PCDH15: variants seen among roughly 807,000 people sequenced by gnomAD.
PCDH15 encodes protocadherin-15.
In PCDH15, 129 loss-of-function variants were observed where a neutral mutation model predicts 178.5. The ratio of observed to expected loss-of-function variants is 0.72; its 90% CI spans 0.63 to 0.84. PCDH15 has a LOEUF of 0.84. Ranked by LOEUF, PCDH15 falls within the 40% of genes least tolerant of loss-of-function variation. The pLI, the probability that PCDH15 is intolerant of heterozygous loss-of-function variation, is 0.00. For missense variants in PCDH15, 2,230 were observed against 2,099.9 expected (o/e 1.06, Z -1.21); for synonymous variants, 800 against 732.0 (o/e 1.09, Z -1.50).
At chr10:54,834,272 C>G (rs953688588) in intron 3 of PCDH15, among the ~76,000 whole-genome samples, 18 of 151,758 alleles carry the variant, frequency 1.2e-4, no homozygotes, top group African/African-American at 3.6e-4. Context: ...TCACTGCAAC[C>G]TCCGCCTCCC....
At chr10:55,178,690 A>G (rs757718764) in intron 1 of PCDH15, among the ~76,000 whole-genome samples, 8 of 152,146 alleles carry the variant, frequency 5.3e-5, no homozygotes, top group Non-Finnish European at 1.0e-4. Context: ...CAAAGCACCA[A>G]TGTAAAGAAA....
intron 2 of PCDH15, among the ~76,000 whole-genome samples, chr10:55,484,833 G>A (rs1465991943): frequency 6.6e-6 from 1 of 151,610 alleles, no homozygotes; most frequent in Non-Finnish European, 1.5e-5. Context: ...GATGGCCACA[G>A]GCAAAAGAAT....
At chr10:53,970,193 T>C (rs1404976869) in intron 21 of PCDH15, among the ~76,000 whole-genome samples, 1 of 150,206 alleles carries the variant, frequency 6.7e-6, no homozygotes, top group Non-Finnish European at 1.5e-5. Flanking sequence ...AAAAAAAAAA[T>C]AGCAGGGGTT....
chr10:54,758,746 G>A (rs1274038526), intron 1 of PCDH15, among the ~76,000 whole-genome samples: 1 of 152,092 alleles, frequency 6.6e-6, no homozygotes, highest in East Asian at 1.9e-4. Flanking sequence ...TTGAACTTTT[G>A]GGTTGTGTTT....
intron 29 of PCDH15, among the ~76,000 whole-genome samples, chr10:53,837,327 A>G (rs941085592): frequency 4.6e-5 from 7 of 152,190 alleles, no homozygotes; most frequent in African/African-American, 1.7e-4. Context: ...GGATAAGAGT[A>G]ATATATAATT....
intron 2 of PCDH15, among the ~76,000 whole-genome samples, chr10:54,571,291 C>T (rs2089796371): frequency 6.8e-6 from 1 of 146,226 alleles, no homozygotes; most frequent in Non-Finnish European, 1.5e-5. Context: ...GTCCCACCCT[C>T]TTGCTCTGAG....
At chr10:55,325,999 C>CA (rs1347593952) in intron 2 of PCDH15, among the ~76,000 whole-genome samples, 1 of 152,058 alleles carries the variant, frequency 6.6e-6, no homozygotes, top group Non-Finnish European at 1.5e-5. Flanking sequence ...TGCTCAGCGT[C>CA]ACTAATCATT....
intron 3 of PCDH15, among the ~76,000 whole-genome samples, chr10:54,421,816 G>GTGTATATATATATATATATA (rs1297485134): frequency 9.3e-6 from 1 of 107,990 alleles, no homozygotes; most frequent in African/African-American, 4.2e-5. Context: ...TGTAGTGTGT[G>GTGTATATATATATATATATA]TATATATATA....
intron 1 of PCDH15, among the ~76,000 whole-genome samples, chr10:55,248,276 A>G (rs1383308213): frequency 1.3e-5 from 2 of 151,970 alleles, no homozygotes; most frequent in African/African-American, 2.4e-5. Context: ...TATCATTTTG[A>G]AAAAAACACT....
At chr10:54,239,432 T>TATATATAGAGAGAGAGAGAGAG (rs1554853331) in intron 8 of PCDH15, among the ~76,000 whole-genome samples, 1 of 150,560 alleles carries the variant, frequency 6.6e-6, no homozygotes, top group Non-Finnish European at 1.5e-5. Context: ...TATATATATA[T>TATATATAGAGAGAGAGAGAGAG]AGAGTAAGAA....
At chr10:54,099,889 C>A (rs930616419) in intron 15 of PCDH15, among the ~76,000 whole-genome samples, 28 of 152,130 alleles carry the variant, frequency 1.8e-4, no homozygotes, top group African/African-American at 6.5e-4. Flanking sequence ...AGATTAAGAA[C>A]CTAGTCTTAA....
intron 1 of PCDH15, among the ~76,000 whole-genome samples, chr10:55,239,129 T>G (rs1315968826): frequency 3.9e-5 from 6 of 152,176 alleles, no homozygotes; most frequent in African/African-American, 1.4e-4. Flanking sequence ...TTTCGGCTTG[T>G]GCTTGGCTTA....
intron 1 of PCDH15, among the ~76,000 whole-genome samples, chr10:54,788,908 T>A (rs866397052): frequency 6.6e-6 from 1 of 151,874 alleles, no homozygotes; most frequent in African/African-American, 2.4e-5. Context: ...AATTCAAACT[T>A]ATGAATCTAA....
chr10:54,702,996 C>A (rs2095326726), intron 1 of PCDH15, among the ~76,000 whole-genome samples: 1 of 151,930 alleles, frequency 6.6e-6, no homozygotes, highest in Non-Finnish European at 1.5e-5. Flanking sequence ...ACTAGCAAAC[C>A]AAATCCAGCA....
intron 2 of PCDH15, among the ~76,000 whole-genome samples, chr10:55,069,631 T>G (rs975058626): frequency 7.2e-6 from 1 of 139,450 alleles, no homozygotes; most frequent in Non-Finnish European, 1.6e-5. Context: ...GGCTGCATAG[T>G]ATTCCATGGT....
chr10:54,814,641 T>C (rs1952920009), intron 3 of PCDH15, among the ~76,000 whole-genome samples: 1 of 152,272 alleles, frequency 6.6e-6, no homozygotes, highest in South Asian at 2.1e-4. Flanking sequence ...GGTCTTTCTG[T>C]TGTTCCATTT....
In PCDH15 at chr10:55,417,297, A is replaced by G. The variant is rs189299546; in HGVS notation, c.-156+210328T>C. On this transcript the variant is annotated intron_variant, in intron 2 of 5. Transcript: ENST00000613346. Reference sequence around the variant, plus strand: ...TCATAGTGCAGCTATAAATAAAACTAAAATGAGAAAGACATTATAAGCAAA... The same window carrying G: ...TCATAGTGCAGCTATAAATAAAACTGAAATGAGAAAGACATTATAAGCAAA... Among the ~76,000 whole-genome samples, 10 of 151,924 alleles carry G rather than the reference A, an allele frequency of 6.6e-5. No homozygotes were observed. In the East Asian group the frequency reaches 1.9e-3, roughly 29 times the overall value.
At chr10:53,850,827 A>G (rs2078308019) in intron 28 of PCDH15, among the ~76,000 whole-genome samples, 1 of 152,142 alleles carries the variant, frequency 6.6e-6, no homozygotes, top group Non-Finnish European at 1.5e-5. Flanking sequence ...GTATGCTGAG[A>G]GAAAATTGGC....
chr10:54,828,917 C>G (rs966728657), intron 3 of PCDH15, among the ~76,000 whole-genome samples: 3 of 151,912 alleles, frequency 2.0e-5, no homozygotes, highest in Non-Finnish European at 4.4e-5. Flanking sequence ...CCTGAATGTA[C>G]TACACATTTT....
Sources: gnomAD v4.1 joint callset for allele counts (sites outside exome capture counted in the v4.1 genomes callset) on GRCh38, gnomAD v4.1.1 for gene constraint, MANE v1.5 for transcripts, NCBI Gene and HGNC (gene_info 2026-07-23, HGNC 2026-07-21) for gene names.